The following C16orf96 variants were observed in gnomAD, a reference collection of about 807,000 sequenced individuals.
C16orf96 encodes uncharacterized protein C16orf96.
A neutral mutation model predicts 103.6 loss-of-function variants in C16orf96; 108 were observed. That is an observed-to-expected ratio of 1.04 (90% CI 0.89 to 1.22). The LOEUF (loss-of-function observed/expected upper bound fraction) is 1.22. Ranked by LOEUF, C16orf96 falls within the 50% of genes most tolerant of loss-of-function variation. The pLI is 0.00. For synonymous variants in C16orf96, 566 were observed against 593.5 expected, an observed-to-expected ratio of 0.95 and a Z score of 0.67; for missense variants, 1,586 against 1,464.2, an observed-to-expected ratio of 1.08 and a Z score of -1.36.
Position 4,575,614 on chromosome 16 carries a change from C to A in C16orf96, c.1134C>A (p.Ala378=). ...TTGGACCTGTGCCTGCCCCAGGTGC[C>A]CAGCCTCCACCACTGGGAGACTGGC... ...PVLGPVPAPG[A]QPPPLGDWPA... The change falls in exon 5 of 16, where the codon GCC becomes GCA. Residue 378 remains alanine (A), a synonymous_variant. Coordinates refer to ENST00000444310, the MANE Select transcript of C16orf96 (RefSeq NM_001145011.2). 2.0e-6 allele frequency: 3 copies of A among 1,515,252 alleles called. No homozygotes were observed. The highest frequency in any genetic ancestry group is 1.8e-6 in the Non-Finnish European group (2 of 1,131,384). The allele number at this position is 1,515,252 out of a possible 1,614,324, so 93.9% of individuals were successfully genotyped here.
chr16:4,540,926 T>A, the C16orf96 span, among the ~76,000 whole-genome samples: 21 of 151,184 alleles, frequency 1.4e-4, no homozygotes, highest in Non-Finnish European at 2.8e-4. Flanking sequence ...GGATTTTTTT[T>A]TTTTTTTAGA....
intron 5 of C16orf96, 27 bp from the exon 6 acceptor site, chr16:4,578,913 A>G: frequency 6.5e-7 from 1 of 1,543,168 alleles, no homozygotes; most frequent in Non-Finnish European, 8.8e-7. Flanking sequence ...CCGAGCCCTC[A>G]GCAGCCACCC....
the C16orf96 span, among the ~76,000 whole-genome samples, chr16:4,551,030 T>C: frequency 6.6e-6 from 1 of 152,170 alleles, no homozygotes; most frequent in African/African-American, 2.4e-5. Flanking sequence ...CCCAGGACTT[T>C]GGGAGGCTGA....
chr16:4,558,913 CAA>C (rs771691344), intron 1 of C16orf96, among the ~76,000 whole-genome samples: 138 of 51,382 alleles, frequency 2.7e-3, no homozygotes, highest in African/African-American at 7.3e-3. Context: ...GACTCTGTCT[CAA>C]AAAAAAAAAA....
chr16:4,599,643 C>A (rs890390708), intron 15 of C16orf96, among the ~76,000 whole-genome samples: 4 of 152,238 alleles, frequency 2.6e-5, no homozygotes, highest in African/African-American at 9.6e-5. Flanking sequence ...TGGTTCGGAT[C>A]ACCACGTAGC....
Position 4,587,107 on chromosome 16 carries a change from G to A in C16orf96, c.2421G>A (p.Leu807=). 6.4e-7 allele frequency: 1 copy of A among 1,551,484 alleles called. No individual in the cohort carries two copies. Among genetic ancestry groups the A allele is most frequent in the East Asian group, 2.4e-5 (1 of 40,920 alleles). ...ATAAGAGCACGATGGAGGAGGAGCT[G>A]AGAGAGGTGAGTGAGCAGAGGTTCC... ...KVNKSTMEEE[L]REKADRSALA... is the part of the protein sequence containing the mutation. Residue 807 remains leucine, a synonymous_variant, in exon 8 of 16, where the codon CTG becomes CTA. Transcript: ENST00000444310.
chr16:4,562,299 A>G (rs922843624), intron 1 of C16orf96, among the ~76,000 whole-genome samples: 5 of 151,792 alleles, frequency 3.3e-5, no homozygotes, highest in African/African-American at 1.2e-4. Flanking sequence ...ACATGGCGAG[A>G]CTCCCTTTCT....
upstream of C16orf96, among the ~76,000 whole-genome samples, chr16:4,552,805 C>T (rs1468265982): frequency 6.6e-6 from 1 of 152,166 alleles, no homozygotes; most frequent in Non-Finnish European, 1.5e-5. Flanking sequence ...ATCTGTTGTT[C>T]ATATGCTTGC....
At chr16:4,594,611 C>T in intron 13 of C16orf96, 93 bp from the exon 14 acceptor site, 1 of 1,534,652 alleles carries the variant, frequency 6.5e-7, no homozygotes, top group Non-Finnish European at 8.8e-7. Flanking sequence ...CCAGCAGAGG[C>T]TGCACTCTGT....
At chr16:4,539,736 G>T in the C16orf96 span, among the ~76,000 whole-genome samples, 1 of 151,940 alleles carries the variant, frequency 6.6e-6, no homozygotes. Flanking sequence ...GCACCCAGAG[G>T]CCACAAGATT....
At chr16:4,579,711 A>G (rs1474055515) in intron 6 of C16orf96, among the ~76,000 whole-genome samples, 1 of 151,790 alleles carries the variant, frequency 6.6e-6, no homozygotes, top group East Asian at 1.9e-4. Context: ...TCCTGGGTTC[A>G]AGCAATTCTC....
At chr16:4,587,190 A>G (rs1432684089) in intron 8 of C16orf96, 77 bp downstream of exon 8, 2 of 1,331,028 alleles carry the variant, frequency 1.5e-6, no homozygotes, top group Non-Finnish European at 2.1e-6. Flanking sequence ...AAGCCCACCA[A>G]AGAGTCTTCC....
In C16orf96 at chr16:4,577,095, G is replaced by A. The variant is rs575443769; in HGVS notation, c.2155+460G>A. On this transcript the variant is annotated intron_variant, in intron 5 of 15. Transcript: ENST00000444310. ...AATCCCAGCTACTCGGGAGGCTGTG[G>A]CAGGAGAATCGCTTGAACCCAGGAG... 1.0e-3 allele frequency among the ~76,000 whole-genome samples: 155 copies of A among 152,274 alleles called. 1 individual carries two copies. The highest frequency in any genetic ancestry group is 3.5e-3 in the African/African-American group (147 of 41,556).
At chr16:4,595,026 A>G (rs1897142443) in intron 14 of C16orf96, among the ~76,000 whole-genome samples, 1 of 152,168 alleles carries the variant, frequency 6.6e-6, no homozygotes. Flanking sequence ...CCCGAGATCA[A>G]CAGCTGACCA....
At chr16:4,573,049 G>A (rs909074657) in intron 2 of C16orf96, among the ~76,000 whole-genome samples, 1 of 152,144 alleles carries the variant, frequency 6.6e-6, no homozygotes, top group African/African-American at 2.4e-5. Context: ...CTTTAGGCAT[G>A]GGCTGGATGG....
upstream of C16orf96, among the ~76,000 whole-genome samples, chr16:4,553,417 G>C (rs1483644173): frequency 6.6e-6 from 1 of 152,108 alleles, no homozygotes; most frequent in African/African-American, 2.4e-5. Flanking sequence ...TCACTCTCTT[G>C]CCCAGGCTGG....
Position 4,588,223 on chromosome 16 carries a change from G to A in C16orf96, c.2484G>A (p.Val828=), listed in dbSNP as rs1334715573. Residue 828 remains valine, a synonymous_variant, in exon 9 of 16, where the codon GTG becomes GTA. Transcript: ENST00000444310. Reference sequence around the variant, plus strand: ...CAAGCCGCGTTGACCTGGAGACTGTGGCCTTGGAGCTGAACGAGATGATTC... The same window carrying A: ...CAAGCCGCGTTGACCTGGAGACTGTAGCCTTGGAGCTGAACGAGATGATTC... The part of the protein sequence containing the change: ...GKASRVDLET[V]ALELNEMIQG... 6.4e-7 allele frequency: 1 copy of A among 1,551,708 alleles called. No individual in the cohort carries two copies. Among genetic ancestry groups the A allele is most frequent in the Non-Finnish European group, 8.7e-7 (1 of 1,146,994 alleles).
the C16orf96 span, among the ~76,000 whole-genome samples, chr16:4,550,750 T>C: frequency 6.6e-6 from 1 of 152,314 alleles, no homozygotes; most frequent in Non-Finnish European, 1.5e-5. Context: ...ATGGTGCTGC[T>C]CACTGCCCAA....
chr16:4,582,175 G>A (rs577518749), intron 7 of C16orf96, among the ~76,000 whole-genome samples: 1 of 152,062 alleles, frequency 6.6e-6, no homozygotes, highest in East Asian at 1.9e-4. Context: ...CCAGCTACTC[G>A]GGTGGCTGAG....
Sources: allele counts gnomAD v4.1 joint callset (sites outside exome capture counted in the v4.1 genomes callset), GRCh38; gene constraint gnomAD v4.1.1; transcripts MANE v1.5; gene names NCBI Gene and HGNC (gene_info 2026-07-23, HGNC 2026-07-21).